KANSL1: variants seen among roughly 807,000 people sequenced by gnomAD.
The protein encoded by KANSL1 is MLL1/MLL complex subunit KANSL1.
In KANSL1, 22 loss-of-function variants were observed where a neutral mutation model predicts 103.6. That is an observed-to-expected ratio of 0.21 (90% CI 0.15 to 0.30). The LOEUF (loss-of-function observed/expected upper bound fraction) is 0.30. Ranked by LOEUF, KANSL1 falls within the 10% of genes least tolerant of loss-of-function variation. The pLI is 1.00. For missense variants in KANSL1, 1,337 were observed against 1,399.8 expected (o/e 0.96, Z 0.72); for synonymous variants, 600 against 527.6 (o/e 1.14, Z -1.88).
intron 6 of KANSL1, among the ~76,000 whole-genome samples, chr17:46,061,284 A>C (rs1333192764): frequency 1.3e-5 from 2 of 152,214 alleles, no homozygotes; most frequent in Admixed American, 6.5e-5. Flanking sequence ...TTATAAACAT[A>C]ATTTTACTTA....
chr17:46,058,682 T>C (rs893614445), intron 6 of KANSL1, among the ~76,000 whole-genome samples: 1 of 149,454 alleles, frequency 6.7e-6, no homozygotes, highest in African/African-American at 2.5e-5. Context: ...AAACCAACAC[T>C]CTCACTAATT....
intron 2 of KANSL1, among the ~76,000 whole-genome samples, chr17:46,143,452 C>T (rs2044525864): frequency 1.3e-5 from 2 of 152,050 alleles, no homozygotes; most frequent in Admixed American, 1.3e-4. Flanking sequence ...TGAGATCACG[C>T]CATTGTGCTC....
At chr17:46,158,466 G>A (rs2045554713) in intron 2 of KANSL1, among the ~76,000 whole-genome samples, 1 of 151,770 alleles carries the variant, frequency 6.6e-6, no homozygotes, top group South Asian at 2.1e-4. Context: ...AGGTTCAAGT[G>A]ATTCTTGCAC....
At chr17:46,136,259 A>C (rs1483189820) in intron 2 of KANSL1, among the ~76,000 whole-genome samples, 1 of 152,218 alleles carries the variant, frequency 6.6e-6, no homozygotes. Flanking sequence ...TTCTTTAAAA[A>C]ATCTAGGGTA....
chr17:46,150,474 AATTT>A (rs1213374341), intron 2 of KANSL1, among the ~76,000 whole-genome samples: 1 of 152,254 alleles, frequency 6.6e-6, no homozygotes, highest in African/African-American at 2.4e-5. Flanking sequence ...CTGTGGGCAG[AATTT>A]ATTTACAAGT....
chr17:46,161,853 T>G (rs973843137), intron 2 of KANSL1, among the ~76,000 whole-genome samples: 1 of 152,162 alleles, frequency 6.6e-6, no homozygotes, highest in Non-Finnish European at 1.5e-5. Context: ...TGCTACTAAA[T>G]AGGCTGCTAG....
chr17:46,135,519 G>T (rs1190738583), intron 2 of KANSL1, among the ~76,000 whole-genome samples: 1 of 149,806 alleles, frequency 6.7e-6, no homozygotes, highest in Admixed American at 6.7e-5. Context: ...AAAGGTGACA[G>T]ATTTTTTTCC....
intron 1 of KANSL1, among the ~76,000 whole-genome samples, chr17:46,189,403 C>T (rs1422578199): frequency 2.0e-5 from 3 of 152,142 alleles, no homozygotes; most frequent in African/African-American, 7.2e-5. Context: ...ATACATCTAT[C>T]TAGCAAGAAA....
At chr17:46,162,254 G>C (rs776365865) in intron 2 of KANSL1, among the ~76,000 whole-genome samples, 1 of 152,194 alleles carries the variant, frequency 6.6e-6, no homozygotes, top group East Asian at 1.9e-4. Context: ...TTTCTACCCA[G>C]CTTGCAAAAT....
intron 1 of KANSL1, among the ~76,000 whole-genome samples, chr17:46,189,366 G>C (rs993435050): frequency 8.5e-5 from 13 of 152,094 alleles, no homozygotes; most frequent in Non-Finnish European, 1.8e-4. Context: ...TCCTTTGTTG[G>C]GGGGTGGAGA....
intron 2 of KANSL1, among the ~76,000 whole-genome samples, chr17:46,095,798 G>C (rs534772030): frequency 7.0e-4 from 107 of 152,070 alleles, no homozygotes; most frequent in African/African-American, 2.5e-3. Flanking sequence ...TTAAACATCA[G>C]AATATGTAAC....
In KANSL1 at chr17:46,032,292, T is replaced by C; in HGVS notation, c.2845A>G (p.Arg949Gly). The C allele has an allele frequency of 6.6e-7, 1 of 1,519,194 alleles. No individual in the cohort carries two copies. Among genetic ancestry groups the C allele is most frequent in the Non-Finnish European group, 8.8e-7 (1 of 1,134,756 alleles). The allele number at this position is 1,519,194 out of a possible 1,614,324, so 94.1% of individuals were successfully genotyped here. Residue 949 changes from arginine to glycine, a missense_variant, in exon 14 of 15, where the codon AGG (arginine) becomes GGG (glycine). Coordinates refer to ENST00000432791, the MANE Select transcript of KANSL1 (RefSeq NM_015443.4). ...PPQRRGSRSY[R>G]SSDGRTTPQL... ...GGGGTTGTCCGGCCGTCTGATGACC[T>C]GTAGGACCTGCACACCAAGGAATGC... is the stretch of plus-strand genomic sequence containing the variant.
intron 3 of KANSL1, among the ~76,000 whole-genome samples, chr17:46,086,810 A>G (rs774408518): frequency 1.3e-5 from 2 of 152,174 alleles, no homozygotes; most frequent in Non-Finnish European, 2.9e-5. Flanking sequence ...AATAATAAAA[A>G]TTAGCCTGGT....
intron 1 of KANSL1, among the ~76,000 whole-genome samples, chr17:46,199,354 T>C (rs2047719499): frequency 1.3e-5 from 2 of 152,248 alleles, no homozygotes; most frequent in African/African-American, 4.8e-5. Context: ...GTCACAAGTA[T>C]AAAGATTTAG....
chr17:46,140,276 T>C (rs1252464969), intron 2 of KANSL1, among the ~76,000 whole-genome samples: 1 of 152,202 alleles, frequency 6.6e-6, no homozygotes, highest in Non-Finnish European at 1.5e-5. Flanking sequence ...TAAATTTACA[T>C]TGTAAAACAC....
At chr17:46,197,720 G>T (rs1350022671), upstream of KANSL1, among the ~76,000 whole-genome samples, 1 of 152,226 alleles carries the variant, frequency 6.6e-6, no homozygotes, top group Non-Finnish European at 1.5e-5. Flanking sequence ...CTCTGAGTTT[G>T]TTTTCATATA....
chr17:46,036,049 G>A (rs1291379231), intron 10 of KANSL1: 1 of 144,704 alleles, frequency 6.9e-6, no homozygotes, highest in Non-Finnish European at 1.6e-5. Flanking sequence ...AAAGGTTCTA[G>A]GACTCCCCCC....
At chr17:46,054,334 G>A (rs577749827) in intron 6 of KANSL1, among the ~76,000 whole-genome samples, 2 of 152,306 alleles carry the variant, frequency 1.3e-5, no homozygotes, top group Non-Finnish European at 2.9e-5. Context: ...GATTACAGGC[G>A]TGAGCCATCG....
chr17:46,057,129 G>C (rs144252859), intron 6 of KANSL1, among the ~76,000 whole-genome samples: 1 of 152,250 alleles, frequency 6.6e-6, no homozygotes, highest in Non-Finnish European at 1.5e-5. Context: ...AAAATTAATA[G>C]TAAGAACAAA....
Sources: allele counts gnomAD v4.1 joint callset (sites outside exome capture counted in the v4.1 genomes callset), GRCh38; gene constraint gnomAD v4.1.1; transcripts MANE v1.5; gene names NCBI Gene and HGNC (gene_info 2026-07-23, HGNC 2026-07-21).